The following ATRX variants were observed in gnomAD, a reference collection of about 807,000 sequenced individuals.
The protein encoded by ATRX is chromatin remodeler ATRX.
Under a neutral mutation model 172.6 loss-of-function variants are expected in ATRX, and 12 were observed. The ratio of observed to expected loss-of-function variants is 0.07; its 90% CI spans 0.04 to 0.11. The LOEUF (loss-of-function observed/expected upper bound fraction) is 0.11, where lower values mean the gene tolerates loss of function less well. Ranked by LOEUF, ATRX falls within the 10% of genes least tolerant of loss-of-function variation. The pLI is 1.00. For synonymous variants in ATRX, 674 were observed against 594.7 expected (o/e 1.13, Z -1.94); for missense variants, 1,368 against 1,767.4 (o/e 0.77, Z 4.05).
At chrX:77,635,272 G>A (rs1276785432) in intron 16 of ATRX, among the ~76,000 whole-genome samples, 6 of 111,093 alleles carry the variant, frequency 5.4e-5, no homozygotes, top group African/African-American at 1.3e-4. Flanking sequence ...GTGACAGAGC[G>A]AGACTCCATC....
Position 77,683,739 on chromosome X carries a change from G to A in ATRX, c.1517C>T (p.Pro506Leu), listed in dbSNP as rs2148620734. 1 of 1,210,678 alleles carries A rather than the reference G, an allele frequency of 8.3e-7. No individual in the cohort carries two copies. Among genetic ancestry groups the A allele is most frequent in the Non-Finnish European group, 1.1e-6 (1 of 894,939 alleles). ...GTCTAAATCTTCAGAAGTGTTGGCA[G>A]GTTCATATTGAGGTTCTTCTTTTCT... ...SDRKEEPQYEPANTSEDLDMD... is the reference protein window; with the variant it reads ...SDRKEEPQYELANTSEDLDMD... Residue 506 changes from proline to leucine, a missense_variant, in exon 9 of 35, where the codon CCT (proline) becomes CTT (leucine). Physicochemically the swap from Pro to Leu is moderately conservative, Grantham distance 98. Transcript: ENST00000373344.
At chrX:77,552,753 A>G (rs2147917997) in intron 30 of ATRX, among the ~76,000 whole-genome samples, 1 of 111,243 alleles carries the variant, frequency 9.0e-6, no homozygotes, top group Non-Finnish European at 1.9e-5. Context: ...AAATCAAATT[A>G]GAAGTAGAGA....
intron 22 of ATRX, 41 bp from the exon 23 acceptor site, chrX:77,600,605 A>C: frequency 2.5e-6 from 3 of 1,191,069 alleles, no homozygotes; most frequent in Non-Finnish European, 3.4e-6. Context: ...AAAATTGTCT[A>C]TATCAACCAA....
At chrX:77,700,896 G>A (rs2072469630) in intron 2 of ATRX, among the ~76,000 whole-genome samples, 2 of 112,650 alleles carry the variant, frequency 1.8e-5, no homozygotes, top group South Asian at 3.6e-4. Flanking sequence ...AAGGGATGAA[G>A]AAACAGGCAC....
intron 22 of ATRX, among the ~76,000 whole-genome samples, chrX:77,601,971 T>C (rs1557087397): frequency 8.9e-6 from 1 of 111,970 alleles, no homozygotes; most frequent in Admixed American, 9.5e-5. Context: ...TGATACTCTT[T>C]CATTCCTTAC....
intron 10 of ATRX, among the ~76,000 whole-genome samples, chrX:77,671,651 T>A (rs2070625427): frequency 9.0e-6 from 1 of 111,020 alleles, no homozygotes; most frequent in African/African-American, 3.3e-5. Flanking sequence ...CAGAATTTAC[T>A]CATCTCAAAT....
At chrX:77,573,528 A>G (rs1557068742) in intron 28 of ATRX, among the ~76,000 whole-genome samples, 1 of 112,177 alleles carries the variant, frequency 8.9e-6, no homozygotes, top group South Asian at 3.6e-4. Context: ...ACAGTTAATG[A>G]TATTAAAATG....
At chrX:77,767,445 G>A (rs1216878035) in intron 1 of ATRX, among the ~76,000 whole-genome samples, 2 of 109,991 alleles carry the variant, frequency 1.8e-5, no homozygotes, top group East Asian at 5.7e-4. Flanking sequence ...ACCCAGGCAG[G>A]AGTGCAATGG....
chrX:77,658,342 A>G lies in ATRX; in HGVS notation c.4121-1689T>C, dbSNP rs782003912. 7.3e-4 allele frequency among the ~76,000 whole-genome samples: 82 copies of G among 112,516 alleles called. No individual in the cohort carries two copies. The South Asian group carries it at 8.9e-3, about 12-fold the overall frequency. On this transcript the variant is annotated intron_variant, in intron 12 of 34. Coordinates refer to ENST00000373344, the MANE Select transcript of ATRX (RefSeq NM_000489.6). ...ATGAGAAAACATTAGACAAATATAT[A>G]TCAAGGAACAGTTGAGAAAATAAGG...
intron 27 of ATRX, among the ~76,000 whole-genome samples, chrX:77,581,931 G>A (rs1304920934): frequency 3.6e-5 from 4 of 111,201 alleles, no homozygotes; most frequent in African/African-American, 9.8e-5. Flanking sequence ...ATGACCGGTG[G>A]GCCAATGAAG....
In ATRX at chrX:77,709,868, C is replaced by G. The variant is rs180979401; in HGVS notation, c.133+7263G>C. On this transcript the variant is annotated intron_variant, in intron 2 of 34. Coordinates refer to ENST00000373344, the MANE Select transcript of ATRX (RefSeq NM_000489.6). ...CATCATATGAACTGCAAAATGCACT[C>G]CTGGCATTTATTGCAAAGAAATGAA... Among the ~76,000 whole-genome samples the G allele has an allele frequency of 2.2e-3, 241 of 111,603 alleles. No homozygotes were observed. In the South Asian group the frequency reaches 0.025, roughly 11 times the overall value.
At chrX:77,685,115 G>A (rs2071478469) in intron 7 of ATRX, 109 bp from the exon 8 acceptor site, 2 of 604,199 alleles carry the variant, frequency 3.3e-6, no homozygotes, top group African/African-American at 2.2e-5. Context: ...AAAATCTCCA[G>A]GACACTGGTG....
chrX:77,556,880 C>T (rs2064828623), intron 30 of ATRX, among the ~76,000 whole-genome samples: 1 of 111,851 alleles, frequency 8.9e-6, no homozygotes, highest in Non-Finnish European at 1.9e-5. Flanking sequence ...ACCAGCTTTA[C>T]AATATGGTGT....
intron 21 of ATRX, among the ~76,000 whole-genome samples, chrX:77,618,227 T>C (rs2067437449): frequency 8.9e-6 from 1 of 111,992 alleles, no homozygotes; most frequent in Non-Finnish European, 1.9e-5. Flanking sequence ...ACAGAGAAAG[T>C]GCGTATCTTG....
intron 30 of ATRX, 56 bp from the exon 31 acceptor site, chrX:77,523,457 T>C (rs782810169): frequency 3.6e-6 from 4 of 1,110,587 alleles, no homozygotes; most frequent in South Asian, 3.7e-5. Context: ...GACAGTATAA[T>C]ATCTCCATAG....
intron 30 of ATRX, among the ~76,000 whole-genome samples, chrX:77,541,539 A>C (rs1393368113): frequency 8.9e-6 from 1 of 111,981 alleles, no homozygotes; most frequent in Admixed American, 9.5e-5. Context: ...TCAGGCCAAT[A>C]TCCCTGATGA....
intron 9 of ATRX, among the ~76,000 whole-genome samples, chrX:77,679,985 A>T: frequency 8.9e-6 from 1 of 111,765 alleles, no homozygotes; most frequent in East Asian, 2.8e-4. Flanking sequence ...TTGAAATCTA[A>T]AACACTCTCA....
chrX:77,573,679 G>A (rs868906242), intron 28 of ATRX, among the ~76,000 whole-genome samples: 10 of 111,437 alleles, frequency 9.0e-5, no homozygotes, highest in Middle Eastern at 4.6e-3. Flanking sequence ...GTACAGACAA[G>A]AATGTAAGGA....
intron 1 of ATRX, among the ~76,000 whole-genome samples, chrX:77,730,341 G>A (rs1348568207): frequency 8.9e-6 from 1 of 111,999 alleles, no homozygotes; most frequent in Non-Finnish European, 1.9e-5. Flanking sequence ...CATATATAAA[G>A]CAAGTATTAT....
Sources: gnomAD v4.1 joint callset for allele counts (sites outside exome capture counted in the v4.1 genomes callset) on GRCh38, gnomAD v4.1.1 for gene constraint, MANE v1.5 for transcripts, NCBI Gene and HGNC (gene_info 2026-07-23, HGNC 2026-07-21) for gene names.